Variants in CDK5RAP2 observed in about 807,000 individuals in gnomAD.
CDK5RAP2 encodes CDK5 regulatory subunit-associated protein 2.
A neutral mutation model predicts 232.9 loss-of-function variants in CDK5RAP2; 147 were observed. The ratio of observed to expected loss-of-function variants is 0.63; its 90% confidence interval spans 0.55 to 0.72. The LOEUF is 0.72. Ranked by LOEUF, CDK5RAP2 falls within the 30% of genes least tolerant of loss-of-function variation. The pLI, the probability that CDK5RAP2 is intolerant of heterozygous loss-of-function variation, is 0.00. For synonymous variants in CDK5RAP2, 833 were observed against 833.7 expected (o/e 1.00, Z 0.01); for missense variants, 2,195 against 2,231.5 (o/e 0.98, Z 0.33).
chr9:120,458,661 A>T, intron 19 of CDK5RAP2, 39 bp from the exon 20 acceptor site: 2 of 1,594,584 alleles, frequency 1.3e-6, no homozygotes, highest in Non-Finnish European at 1.7e-6. Context: ...TGGAATAAGG[A>T]GGAAGGGAAT....
At chr9:120,545,626 C>A in intron 5 of CDK5RAP2, 88 bp downstream of exon 5, 2 of 998,854 alleles carry the variant, frequency 2.0e-6, no homozygotes, top group East Asian at 2.4e-5. Context: ...AGATGGAAAC[C>A]AACTGTCTTA....
At chr9:120,423,712 C>G (rs192494115) in intron 25 of CDK5RAP2, among the ~76,000 whole-genome samples, 3 of 152,324 alleles carry the variant, frequency 2.0e-5, no homozygotes, top group Admixed American at 1.3e-4. Context: ...AAAAAACAAA[C>G]TCTTCTACAG....
chr9:120,563,344 G>A (rs139375081), intron 3 of CDK5RAP2, among the ~76,000 whole-genome samples: 44 of 152,290 alleles, frequency 2.9e-4, no homozygotes, highest in Non-Finnish European at 5.0e-4. Flanking sequence ...GGAAGCTGTC[G>A]ATCACACAGG....
intron 12 of CDK5RAP2, among the ~76,000 whole-genome samples, chr9:120,506,233 C>G (rs2039805443): frequency 6.6e-6 from 1 of 152,196 alleles, no homozygotes; most frequent in African/African-American, 2.4e-5. Flanking sequence ...AATGGAACAA[C>G]AAAGCCTAAA....
At chr9:120,579,796 C>A in intron 1 of CDK5RAP2, 124 bp downstream of exon 1, 4 of 764,376 alleles carry the variant, frequency 5.2e-6, no homozygotes, top group South Asian at 1.6e-5. Context: ...TCCGAAGGAA[C>A]CCACCCCACA....
chr9:120,541,940 C>T (rs1323469595), intron 5 of CDK5RAP2, among the ~76,000 whole-genome samples: 1 of 152,210 alleles, frequency 6.6e-6, no homozygotes, highest in Admixed American at 6.5e-5. Flanking sequence ...TAGCTTTCCA[C>T]CCAATACAAG....
intron 5 of CDK5RAP2, among the ~76,000 whole-genome samples, chr9:120,542,565 C>T (rs914519184): frequency 2.0e-5 from 3 of 151,060 alleles, no homozygotes; most frequent in Non-Finnish European, 4.4e-5. Context: ...AACAGATACA[C>T]AGATACTGTG....
intron 22 of CDK5RAP2, among the ~76,000 whole-genome samples, chr9:120,444,904 A>G (rs1185579000): frequency 6.6e-6 from 1 of 152,198 alleles, no homozygotes; most frequent in African/African-American, 2.4e-5. Flanking sequence ...AGAGAACCCA[A>G]TTAGATCATG....
At chr9:120,484,897 T>TG (rs1215025089) in intron 14 of CDK5RAP2, among the ~76,000 whole-genome samples, 1 of 151,952 alleles carries the variant, frequency 6.6e-6, no homozygotes, top group Non-Finnish European at 1.5e-5. Flanking sequence ...ATATTTTTTT[T>TG]TTTTTTGTAG....
intron 5 of CDK5RAP2, among the ~76,000 whole-genome samples, chr9:120,542,373 C>T (rs781119524): frequency 6.6e-5 from 10 of 152,112 alleles, no homozygotes; most frequent in African/African-American, 1.4e-4. Context: ...AGGCTTGTGG[C>T]GCATGCCTGT....
chr9:120,400,486 G>T (rs77080789), intron 35 of CDK5RAP2, among the ~76,000 whole-genome samples: 65 of 152,332 alleles, frequency 4.3e-4, no homozygotes, highest in African/African-American at 1.4e-3. Context: ...AGCTCCCTGA[G>T]TCCTGGTTCC....
At position 120,487,420 on chromosome 9, in the gene CDK5RAP2, A is replaced by G; in HGVS notation, c.1500T>C (p.Asp500=). Residue 500 remains aspartate (D), a synonymous_variant, in exon 14 of 38, where the codon GAT becomes GAC. Transcript: ENST00000349780. ...AGCAGTTCTGCTGTATTACTTCCAA[A>G]TCTTTTTCATTGAATTTCTAATGAA... is the stretch of plus-strand genomic sequence containing the variant. ...DVLLQKFNEK[D]LEVIQQNCYL... is the part of the protein sequence containing the mutation. 6.2e-7 allele frequency: 1 copy of G among 1,606,948 alleles called. No individual in the cohort carries two copies. Among genetic ancestry groups the G allele is most frequent in the Non-Finnish European group, 8.5e-7 (1 of 1,177,558 alleles).
chr9:120,553,017 CAAT>C (rs2042102219), intron 3 of CDK5RAP2, among the ~76,000 whole-genome samples: 1 of 151,968 alleles, frequency 6.6e-6, no homozygotes, highest in Non-Finnish European at 1.5e-5. Flanking sequence ...AAATCTGTCA[CAAT>C]AAAAAGTTGG....
intron 6 of CDK5RAP2, among the ~76,000 whole-genome samples, chr9:120,536,905 G>A (rs1043751769): frequency 2.0e-5 from 3 of 147,178 alleles, no homozygotes; most frequent in Non-Finnish European, 3.0e-5. Flanking sequence ...CACCCCCACC[G>A]CCCTATTTTT....
chr9:120,512,937 C>G (rs2040162642), intron 12 of CDK5RAP2, among the ~76,000 whole-genome samples: 1 of 152,128 alleles, frequency 6.6e-6, no homozygotes, highest in Non-Finnish European at 1.5e-5. Flanking sequence ...GTTTTCATTA[C>G]CAAAGAGGAC....
At position 120,439,566 on chromosome 9, in the gene CDK5RAP2, G is replaced by T; in HGVS notation, c.3555C>A (p.Ile1185=). Residue 1185 remains isoleucine (I), a synonymous_variant, in exon 24 of 38, where the codon ATC becomes ATA. Coordinates refer to ENST00000349780, the MANE Select transcript of CDK5RAP2 (RefSeq NM_018249.6). The stretch of plus-strand genomic sequence containing the variant: ...TCATCTCTGGGGCCAGCGGACCGAG[G>T]ATTTTCACGTGTTTCACGTATCGCA... The part of the protein sequence containing the change: ...HQVRYVKHVK[I]LGPLAPEMID... 6.2e-7 allele frequency: 1 copy of T among 1,614,194 alleles called. No individual in the cohort carries two copies. Among genetic ancestry groups the T allele is most frequent in the Non-Finnish European group, 8.5e-7 (1 of 1,180,032 alleles).
intron 17 of CDK5RAP2, among the ~76,000 whole-genome samples, chr9:120,468,742 A>G (rs2037525048): frequency 6.6e-6 from 1 of 152,246 alleles, no homozygotes; most frequent in African/African-American, 2.4e-5. Context: ...GCCTCTACAC[A>G]GGCAGAGTTG....
intron 14 of CDK5RAP2, among the ~76,000 whole-genome samples, chr9:120,483,528 C>T (rs2038436383): frequency 6.6e-6 from 1 of 152,218 alleles, no homozygotes; most frequent in Admixed American, 6.5e-5. Flanking sequence ...AAGTCTGCTC[C>T]CAGTCAATAT....
chr9:120,424,770 A>T (rs2034784963), intron 25 of CDK5RAP2, among the ~76,000 whole-genome samples: 1 of 148,588 alleles, frequency 6.7e-6, no homozygotes, highest in South Asian at 2.1e-4. Context: ...CACGATCTCG[A>T]CTTACTGCAA....
Sources: allele counts gnomAD v4.1 joint callset (sites outside exome capture counted in the v4.1 genomes callset), GRCh38; gene constraint gnomAD v4.1.1; transcripts MANE v1.5; gene names NCBI Gene and HGNC (gene_info 2026-07-23, HGNC 2026-07-21).